FAM167A: variants seen among roughly 807,000 people sequenced by gnomAD.
The protein encoded by FAM167A is protein FAM167A.
FAM167A carries 23 observed loss-of-function variants against 14.9 expected under a neutral mutation model. The ratio of observed to expected loss-of-function variants is 1.55; its 90% CI spans 1.11 to 2.19. FAM167A has a LOEUF of 2.19. FAM167A is among the 30% of genes most tolerant of loss of function. The pLI is 0.00. For synonymous variants in FAM167A, 174 were observed against 117.7 expected (o/e 1.48, Z -3.10); for missense variants, 401 against 281.5 (o/e 1.42, Z -3.04).
intron 2 of FAM167A, among the ~76,000 whole-genome samples, chr8:11,442,358 G>T (rs925430772): frequency 6.6e-6 from 1 of 152,144 alleles, no homozygotes; most frequent in South Asian, 2.1e-4. Flanking sequence ...TCGGTGTGGC[G>T]TAGGCTTTGG....
chr8:11,458,935 A>C (rs539763630), intron 1 of FAM167A, among the ~76,000 whole-genome samples: 18 of 152,376 alleles, frequency 1.2e-4, no homozygotes, highest in African/African-American at 4.1e-4. Context: ...CACTGCCCAC[A>C]CTAGCCTGGG....
In FAM167A at chr8:11,425,686, A is replaced by T. The variant is rs1157913623; in HGVS notation, c.382-1050T>A. On this transcript the variant is annotated intron_variant, in intron 2 of 2. Coordinates refer to ENST00000284486, the MANE Select transcript of FAM167A (RefSeq NM_053279.3). ...TTGTTATACCCCCCCTTGCTGTTGG[A>T]GTTTAGGCACAGCAGATCGGCATTA... 3.3e-5 allele frequency among the ~76,000 whole-genome samples: 5 copies of T among 152,152 alleles called. No individual in the cohort carries two copies. The East Asian group carries it at 9.6e-4, about 29-fold the overall frequency.
chr8:11,467,888 G>A (rs1400683696), upstream of FAM167A, among the ~76,000 whole-genome samples: 1 of 152,266 alleles, frequency 6.6e-6, no homozygotes, highest in Non-Finnish European at 1.5e-5. Flanking sequence ...ACCTAGTCAT[G>A]CTAATGAGGG....
rs771780754 is a variant in FAM167A, at chr8:11,424,465, G to A, written c.553C>T (p.Pro185Ser). Reference sequence around the variant, plus strand: ...GAGAGGCTGAAGGAGGAGGCAAGAGGGGAGTCACAGAAGAGGTCGGCCAGC... The same window carrying A: ...GAGAGGCTGAAGGAGGAGGCAAGAGAGGAGTCACAGAAGAGGTCGGCCAGC... ...DELADLFCDS[P>S]LASSFSLSTP... The change falls in exon 3 of 3, where the codon CCT (proline) becomes TCT (serine). Residue 185 changes from proline (P) to serine (S), a missense_variant. Transcript: ENST00000284486. 1 of 1,614,178 alleles carries A rather than the reference G, an allele frequency of 6.2e-7. No individual in the cohort carries two copies.
intron 2 of FAM167A, among the ~76,000 whole-genome samples, chr8:11,436,578 C>T (rs936228818): frequency 2.6e-5 from 4 of 152,212 alleles, no homozygotes; most frequent in East Asian, 1.9e-4. Context: ...CTCCCCTGCA[C>T]GGCCTTCTCA....
Position 11,444,450 on chromosome 8 carries a change from GGGGGGCGCA to G in FAM167A, c.-48_-40del. Reference sequence around the variant, plus strand: ...CTGGCAGCCGGACATGCGAGGGCACGGGGGGCGCAGGGGGAGGCTTGGTGGGTGGCACAG... The same window carrying G: ...CTGGCAGCCGGACATGCGAGGGCACGGGGGGAGGCTTGGTGGGTGGCACAG... On this transcript the variant is annotated 5_prime_UTR_variant, in exon 2 of 3. Transcript: ENST00000284486. 6.6e-7 allele frequency: 1 copy of G among 1,511,064 alleles called. No homozygotes were observed. Among genetic ancestry groups the G allele is most frequent in the Non-Finnish European group, 8.8e-7 (1 of 1,131,514 alleles). 93.6% of individuals were successfully genotyped at this position (1,511,064 alleles called of 1,614,324 possible).
At position 11,444,533 on chromosome 8, in the gene FAM167A, C is replaced by T. The variant is rs574722988; in HGVS notation, c.-122G>A. ...TCATCCAGGTGCCCGAGGGCATTTC[C>T]GGGACAGGAGCCGGCCTCAGAGGCT... On this transcript the variant is annotated 5_prime_UTR_variant, in exon 2 of 3. Coordinates refer to ENST00000284486, the MANE Select transcript of FAM167A (RefSeq NM_053279.3). 24 of 1,466,940 alleles carry T rather than the reference C, an allele frequency of 1.6e-5. No individual in the cohort carries two copies. The highest frequency in any genetic ancestry group is 1.6e-4 in the African/African-American group (11 of 70,518). The allele number at this position is 1,466,940 out of a possible 1,614,324, so 90.9% of individuals were successfully genotyped here. A position where few individuals can be genotyped will look rare whatever the true frequency, so the allele number is the denominator to read the frequency against.
At chr8:11,473,631 C>T (rs564149548) in intron 1 of FAM167A, among the ~76,000 whole-genome samples, 50 of 152,260 alleles carry the variant, frequency 3.3e-4, no homozygotes, top group Non-Finnish European at 4.4e-4. Flanking sequence ...AGGAAGTGTA[C>T]GCAGTGCAGG....
At chr8:11,466,441 T>A (rs1469507238) in intron 1 of FAM167A, among the ~76,000 whole-genome samples, 185 bp downstream of exon 1, 1 of 146,764 alleles carries the variant, frequency 6.8e-6, no homozygotes, top group Non-Finnish European at 1.5e-5. Context: ...CGGGAGCGCA[T>A]GAGCGGCCTC....
At chr8:11,446,890 G>A (rs777812139) in intron 1 of FAM167A, among the ~76,000 whole-genome samples, 1 of 152,218 alleles carries the variant, frequency 6.6e-6, no homozygotes, top group Non-Finnish European at 1.5e-5. Context: ...TGCACCTACA[G>A]GGCTTCCTTC....
At chr8:11,446,824 G>A (rs115634409) in intron 1 of FAM167A, among the ~76,000 whole-genome samples, 2,201 of 152,306 alleles carry the variant, frequency 0.014, 50 homozygotes, top group African/African-American at 0.05. Context: ...CCTCCCAGGC[G>A]CCGTCTGCCT....
intron 1 of FAM167A, among the ~76,000 whole-genome samples, chr8:11,454,650 C>G (rs1807157166): frequency 3.3e-5 from 5 of 152,236 alleles, no homozygotes; most frequent in Admixed American, 3.3e-4. Context: ...CTTTTGTTTT[C>G]TGAAAAGGCA....
At chr8:11,429,639 T>A (rs10099562) in intron 2 of FAM167A, among the ~76,000 whole-genome samples, 1 of 152,196 alleles carries the variant, frequency 6.6e-6, no homozygotes, top group East Asian at 1.9e-4. Flanking sequence ...GCCTATGGCA[T>A]CTGGACCACA....
rs1407784019 is a variant in FAM167A, at chr8:11,423,568, C to T, written c.*805G>A. The T allele has an allele frequency of 6.6e-6, 1 of 152,280 alleles. No homozygotes were observed. Among genetic ancestry groups the T allele is most frequent in the Non-Finnish European group, 1.5e-5 (1 of 68,094 alleles). 9.4% of individuals were successfully genotyped at this position (152,280 alleles called of 1,614,324 possible). A position where few individuals can be genotyped will look rare whatever the true frequency, so the allele number is the denominator to read the frequency against. On this transcript the variant is annotated 3_prime_UTR_variant, in exon 3 of 3. Transcript: ENST00000284486. ...AGAATTCAGTTATGGAAAATGCTTT[C>T]AGGACCTGCCTGGTTCAGTCACCAG...
chr8:11,473,676 C>A (rs558511319), intron 1 of FAM167A, among the ~76,000 whole-genome samples: 1 of 152,162 alleles, frequency 6.6e-6, no homozygotes, highest in Non-Finnish European at 1.5e-5. Context: ...CCCTTGCTGT[C>A]AGGCTGCTTT....
intron 1 of FAM167A, among the ~76,000 whole-genome samples, chr8:11,446,810 G>T (rs1366958200): frequency 6.6e-6 from 1 of 152,180 alleles, no homozygotes; most frequent in Admixed American, 6.5e-5. Flanking sequence ...TGCTTTCTGG[G>T]GCCCCTCCCA....
chr8:11,428,265 G>C (rs1271269887), intron 2 of FAM167A, among the ~76,000 whole-genome samples: 1 of 152,204 alleles, frequency 6.6e-6, no homozygotes, highest in Non-Finnish European at 1.5e-5. Flanking sequence ...TAGCAGGAAG[G>C]AAGGGGCTGT....
upstream of FAM167A, among the ~76,000 whole-genome samples, chr8:11,468,610 G>A (rs193273384): frequency 9.8e-5 from 15 of 152,334 alleles, no homozygotes; most frequent in East Asian, 1.7e-3. Flanking sequence ...CCACAGCCCC[G>A]GTGCTGAGCC....
chr8:11,453,329 T>C (rs1191538421), intron 1 of FAM167A, among the ~76,000 whole-genome samples: 1 of 152,236 alleles, frequency 6.6e-6, no homozygotes, highest in East Asian at 1.9e-4. Context: ...TGTGCCACCA[T>C]GCCTGACTCT....
Sources: allele counts gnomAD v4.1 joint callset (sites outside exome capture counted in the v4.1 genomes callset), GRCh38; gene constraint gnomAD v4.1.1; transcripts MANE v1.5; gene names NCBI Gene and HGNC (gene_info 2026-07-23, HGNC 2026-07-21).